The following KIAA0825 variants were observed in gnomAD, a reference collection of about 807,000 sequenced individuals.
KIAA0825 encodes the protein KIAA0825.
KIAA0825 carries 119 observed loss-of-function variants against 147.6 expected under a neutral mutation model. That is an observed-to-expected ratio of 0.81 (90% CI 0.69 to 0.94). The LOEUF (loss-of-function observed/expected upper bound fraction) is 0.94, where lower values mean the gene tolerates loss of function less well. Ranked by LOEUF, KIAA0825 falls within the 40% of genes least tolerant of loss-of-function variation. The pLI is 0.00. For missense variants in KIAA0825, 1,381 were observed against 1,472.7 expected (o/e 0.94, Z 1.02); for synonymous variants, 470 against 518.1 (o/e 0.91, Z 1.26).
chr5:94,368,650 T>C (rs149401899), intron 20 of KIAA0825, among the ~76,000 whole-genome samples: 390 of 151,900 alleles, frequency 2.6e-3, no homozygotes, highest in African/African-American at 8.4e-3. Context: ...AAGAAACGGG[T>C]GTGAGAAATG....
intron 20 of KIAA0825, among the ~76,000 whole-genome samples, chr5:94,364,614 C>T (rs1024187130): frequency 6.6e-6 from 1 of 151,972 alleles, no homozygotes; most frequent in African/African-American, 2.4e-5. Context: ...AATCTCCTGA[C>T]CTCGTGATCC....
chr5:94,551,027 A>G lies in KIAA0825; in HGVS notation c.-1-13900T>C, dbSNP rs927993497. On this transcript the variant is annotated intron_variant, in intron 2 of 20. Coordinates refer to ENST00000682413, the MANE Select transcript of KIAA0825 (RefSeq NM_001145678.3). ...TTTGAATGAAAAATTCAACAAAGTG[A>G]TAGATATCATAAATATGAGCCAAAC... Among the ~76,000 whole-genome samples the G allele has an allele frequency of 2.0e-5, 3 of 151,964 alleles. No individual in the cohort carries two copies. In the South Asian group the frequency reaches 6.2e-4, roughly 31 times the overall value.
At position 94,372,170 on chromosome 5, in the gene KIAA0825, C is replaced by G. The variant is rs533388836; in HGVS notation, c.3710+12198G>C. On this transcript the variant is annotated intron_variant, in intron 20 of 20. Coordinates refer to ENST00000682413, the MANE Select transcript of KIAA0825 (RefSeq NM_001145678.3). The stretch of plus-strand genomic sequence containing the variant: ...CTGTGGGTTTGAAGGATATAGCCCC[C>G]CTCCTGGCTGCTTTCACAGGCTGGT... Among the ~76,000 whole-genome samples the G allele has an allele frequency of 2.6e-5, 4 of 152,356 alleles. No individual in the cohort carries two copies. The East Asian group carries it at 7.7e-4, about 29-fold the overall frequency.
At chr5:94,318,434 T>C (rs1779859772) in intron 20 of KIAA0825, among the ~76,000 whole-genome samples, 1 of 151,922 alleles carries the variant, frequency 6.6e-6, no homozygotes, top group Non-Finnish European at 1.5e-5. Flanking sequence ...ATTAATACGA[T>C]GAAGTAGGAT....
chr5:94,337,815 G>C (rs149262834), intron 20 of KIAA0825, among the ~76,000 whole-genome samples: 28 of 152,322 alleles, frequency 1.8e-4, no homozygotes, highest in African/African-American at 6.3e-4. Flanking sequence ...TCATGCAGGA[G>C]TTGTAGGCCA....
chr5:94,560,292 C>T (rs1026824377), intron 2 of KIAA0825, among the ~76,000 whole-genome samples: 8 of 152,102 alleles, frequency 5.3e-5, no homozygotes, highest in Non-Finnish European at 7.3e-5. Flanking sequence ...ACTTATCTGC[C>T]TCATGTCAGT....
chr5:94,360,854 A>G (rs1000749211), intron 20 of KIAA0825, among the ~76,000 whole-genome samples: 1 of 152,176 alleles, frequency 6.6e-6, no homozygotes, highest in African/African-American at 2.4e-5. Flanking sequence ...TTACTTTCTT[A>G]ATAAACTTGC....
chr5:94,473,185 T>C lies in KIAA0825; in HGVS notation c.1455+107A>G, dbSNP rs959635127. On this transcript the variant is annotated intron_variant, in intron 8 of 20. Coordinates refer to ENST00000682413, the MANE Select transcript of KIAA0825 (RefSeq NM_001145678.3). ...GGTACTGGGTCAAGTACCAAGTACT[T>C]GCCAAGGGACTCCACCATTTGATCT... 23 of 838,144 alleles carry C rather than the reference T, an allele frequency of 2.7e-5. No homozygotes were observed. In the African/African-American group the frequency reaches 3.2e-4, roughly 12 times the overall value. The allele number at this position is 838,144 out of a possible 1,614,324, so 51.9% of individuals were successfully genotyped here. A position where few individuals can be genotyped will look rare whatever the true frequency, so the allele number is the denominator to read the frequency against.
chr5:94,521,694 A>C (rs1768240662), intron 4 of KIAA0825, among the ~76,000 whole-genome samples: 1 of 151,770 alleles, frequency 6.6e-6, no homozygotes, highest in Non-Finnish European at 1.5e-5. Context: ...ATAATTATGA[A>C]TAGAAAGGGA....
At chr5:94,536,462 C>T (rs978030285) in intron 3 of KIAA0825, among the ~76,000 whole-genome samples, 1 of 152,090 alleles carries the variant, frequency 6.6e-6, no homozygotes, top group Non-Finnish European at 1.5e-5. Flanking sequence ...TCCTTTCTAC[C>T]AAAGAACACG....
chr5:94,251,722 T>C (rs1014739844), intron 20 of KIAA0825, among the ~76,000 whole-genome samples: 1 of 152,046 alleles, frequency 6.6e-6, no homozygotes, highest in African/African-American at 2.4e-5. Context: ...TCTTCTTACA[T>C]TAAAGAGGAA....
Position 94,321,450 on chromosome 5 carries a change from A to G in KIAA0825, c.3710+62918T>C, listed in dbSNP as rs1246128636. 2.0e-5 allele frequency among the ~76,000 whole-genome samples: 3 copies of G among 152,030 alleles called. No individual in the cohort carries two copies. In the East Asian group the frequency reaches 5.8e-4, roughly 29 times the overall value. ...AATCCTTGAAACAACCTTACAAAGT[A>G]ACTCCATTTTACATATAAGAAAAGT... On this transcript the variant is annotated intron_variant, in intron 20 of 20. Transcript: ENST00000682413.
chr5:94,354,324 TTAAAG>T (rs1200822500), intron 20 of KIAA0825, among the ~76,000 whole-genome samples: 1 of 152,182 alleles, frequency 6.6e-6, no homozygotes, highest in East Asian at 1.9e-4. Flanking sequence ...CAACATTTCC[TTAAAG>T]TAGTGTTTCA....
intron 20 of KIAA0825, among the ~76,000 whole-genome samples, chr5:94,219,849 G>A (rs768479217): frequency 1.3e-5 from 2 of 152,122 alleles, no homozygotes; most frequent in Non-Finnish European, 2.9e-5. Flanking sequence ...GTGAGTGAGT[G>A]GTGAATGAAT....
intron 20 of KIAA0825, among the ~76,000 whole-genome samples, chr5:94,277,489 C>A (rs371984897): frequency 6.6e-6 from 1 of 152,016 alleles, no homozygotes; most frequent in South Asian, 2.1e-4. Flanking sequence ...ATTTATGCGG[C>A]CAACAAACAT....
intron 5 of KIAA0825, among the ~76,000 whole-genome samples, chr5:94,515,783 C>T (rs1443010068): frequency 8.1e-6 from 1 of 123,362 alleles, no homozygotes; most frequent in African/African-American, 6.0e-5. Flanking sequence ...CAGAGGGAGA[C>T]TCTGTCTCAA....
intron 20 of KIAA0825, among the ~76,000 whole-genome samples, chr5:94,205,623 T>G (rs1772124842): frequency 6.6e-6 from 1 of 152,160 alleles, no homozygotes; most frequent in Non-Finnish European, 1.5e-5. Context: ...GTATTTTACT[T>G]TGATTCATCT....
At chr5:94,211,056 T>G (rs1340035184) in intron 20 of KIAA0825, among the ~76,000 whole-genome samples, 1 of 152,146 alleles carries the variant, frequency 6.6e-6, no homozygotes. Context: ...TCAACAAAGA[T>G]CAAAATCTGA....
intron 2 of KIAA0825, among the ~76,000 whole-genome samples, chr5:94,561,906 T>C (rs1777618242): frequency 1.3e-5 from 2 of 152,212 alleles, no homozygotes; most frequent in African/African-American, 2.4e-5. Context: ...TTAAAGGCTA[T>C]ATATAACTAT....
Sources: allele counts gnomAD v4.1 joint callset (sites outside exome capture counted in the v4.1 genomes callset), GRCh38; gene constraint gnomAD v4.1.1; transcripts MANE v1.5; gene names NCBI Gene and HGNC (gene_info 2026-07-23, HGNC 2026-07-21).